The following FAT3 variants were observed in gnomAD, a reference collection of about 807,000 sequenced individuals.
FAT3 encodes protocadherin Fat 3.
FAT3 carries 95 observed loss-of-function variants against 310.2 expected under a neutral mutation model. That is an observed-to-expected ratio of 0.31 (90% CI 0.26 to 0.36). FAT3 has a LOEUF of 0.36. FAT3 is among the 10% of genes least tolerant of loss of function. FAT3 has a pLI of 1.00. For missense variants in FAT3, 5,408 were observed against 5,715.6 expected (o/e 0.95, Z 1.74); for synonymous variants, 2,314 against 2,192.9 (o/e 1.06, Z -1.54).
At chr11:92,226,002 T>C (rs557841717) in intron 1 of FAT3, among the ~76,000 whole-genome samples, 14 of 152,254 alleles carry the variant, frequency 9.2e-5, no homozygotes, top group South Asian at 4.1e-4. Context: ...TGTCTCCGGA[T>C]TGGGGGCGAG....
intron 1 of FAT3, among the ~76,000 whole-genome samples, chr11:92,346,837 A>G (rs2134606403): frequency 6.6e-6 from 1 of 152,306 alleles, no homozygotes; most frequent in Admixed American, 6.5e-5. Context: ...TAGTAAAGAA[A>G]GGACATTCTT....
intron 3 of FAT3, among the ~76,000 whole-genome samples, chr11:92,543,858 G>C (rs1245105637): frequency 6.6e-6 from 1 of 152,192 alleles, no homozygotes; most frequent in Non-Finnish European, 1.5e-5. Context: ...AGCACAAAAT[G>C]AGTAACACAT....
chr11:92,230,830 G>A (rs1442023911), intron 1 of FAT3, among the ~76,000 whole-genome samples: 1 of 152,192 alleles, frequency 6.6e-6, no homozygotes, highest in Non-Finnish European at 1.5e-5. Flanking sequence ...CCTCAAGGAG[G>A]AGGGAGAGAT....
chr11:92,519,905 C>A (rs771166264), intron 2 of FAT3, among the ~76,000 whole-genome samples: 1 of 152,094 alleles, frequency 6.6e-6, no homozygotes, highest in Non-Finnish European at 1.5e-5. Context: ...CAACTGGAAC[C>A]CTCCACATTC....
At chr11:92,493,016 T>C (rs1591363611) in intron 2 of FAT3, among the ~76,000 whole-genome samples, 1 of 152,084 alleles carries the variant, frequency 6.6e-6, no homozygotes, top group East Asian at 1.9e-4. Context: ...CAGAGATTCT[T>C]CTCTCCCTCA....
intron 1 of FAT3, among the ~76,000 whole-genome samples, chr11:92,329,558 GTTAA>G (rs528857948): frequency 1.9e-3 from 284 of 151,312 alleles, no homozygotes; most frequent in African/African-American, 6.3e-3. Flanking sequence ...CAGGTAGGCT[GTTAA>G]TTAAGTTTAT....
chr11:92,284,081 G>A (rs1336164421), intron 1 of FAT3, among the ~76,000 whole-genome samples: 1 of 152,020 alleles, frequency 6.6e-6, no homozygotes, highest in African/African-American at 2.4e-5. Context: ...GCACAGCATA[G>A]GATAAGCCTC....
chr11:92,226,852 G>A (rs1364032652), intron 1 of FAT3, among the ~76,000 whole-genome samples: 3 of 152,190 alleles, frequency 2.0e-5, no homozygotes, highest in African/African-American at 4.8e-5. Context: ...GGGAGGGAGG[G>A]ACGCTGGGAC....
rs370287381 is a variant in FAT3, at chr11:92,831,752, C to T, written c.9612C>T (p.Ser3204=). 1.7e-5 allele frequency: 27 copies of T among 1,613,372 alleles called. No individual in the cohort carries two copies. The African/African-American group carries it at 2.0e-4, about 12-fold the overall frequency. Residue 3204 remains serine (S), a synonymous_variant, in exon 14 of 28, where the codon AGC becomes AGT. Coordinates refer to ENST00000525166, the MANE Select transcript of FAT3 (RefSeq NM_001367949.2). ...AGCAGCAGTCTTCGTACAACATCAG[C>T]GTGCGGGCCACTGACCAGAGTCCTG... ...DREQQSSYNI[S]VRATDQSPGQ... is the part of the protein sequence containing the mutation.
intron 4 of FAT3, among the ~76,000 whole-genome samples, chr11:92,702,674 A>T (rs1014246270): frequency 2.0e-5 from 3 of 152,152 alleles, no homozygotes; most frequent in African/African-American, 7.2e-5. Flanking sequence ...CACTTCGATT[A>T]TTCTTGAAAG....
At chr11:92,454,307 G>A (rs1808368028) in intron 2 of FAT3, among the ~76,000 whole-genome samples, 1 of 152,110 alleles carries the variant, frequency 6.6e-6, no homozygotes, top group African/African-American at 2.4e-5. Context: ...GACTGTTCAT[G>A]AAGATTAATA....
intron 4 of FAT3, among the ~76,000 whole-genome samples, chr11:92,709,710 T>C (rs542428038): frequency 4.6e-5 from 7 of 152,268 alleles, no homozygotes; most frequent in Admixed American, 2.6e-4. Flanking sequence ...CCACAAAATA[T>C]ACACTAAGCA....
Position 92,754,140 on chromosome 11 carries a change from A to G in FAT3, c.3670-7716A>G, listed in dbSNP as rs141874819. ...CCCCAATAACATATGGAAATATAAT[A>G]CTAAAAAATATATTTAAAAAATAAA... On this transcript the variant is annotated intron_variant, in intron 4 of 27. Coordinates refer to ENST00000525166, the MANE Select transcript of FAT3 (RefSeq NM_001367949.2). Among the ~76,000 whole-genome samples, 1,120 of 152,168 alleles carry G rather than the reference A, an allele frequency of 7.4e-3. 12 individuals are homozygous for G. The highest frequency in any genetic ancestry group is 0.026 in the African/African-American group (1,063 of 41,504).
intron 3 of FAT3, among the ~76,000 whole-genome samples, chr11:92,672,274 C>T (rs1159283826): frequency 1.3e-5 from 2 of 152,206 alleles, no homozygotes; most frequent in Admixed American, 1.3e-4. Context: ...GGTATTCTCA[C>T]ATCATGATCA....
intron 3 of FAT3, among the ~76,000 whole-genome samples, chr11:92,664,163 C>T (rs902717359): frequency 6.6e-6 from 1 of 152,184 alleles, no homozygotes; most frequent in African/African-American, 2.4e-5. Flanking sequence ...TACTCACCCT[C>T]AGAAATCCAA....
chr11:92,877,121 G>C (rs1361190521), intron 22 of FAT3, among the ~76,000 whole-genome samples: 47 of 152,146 alleles, frequency 3.1e-4, no homozygotes, highest in Non-Finnish European at 5.9e-5. Context: ...AGGTTTGGAG[G>C]TGGAAGGCAG....
chr11:92,523,707 GT>G (rs1354602047), intron 2 of FAT3, among the ~76,000 whole-genome samples: 1 of 152,128 alleles, frequency 6.6e-6, no homozygotes, highest in Non-Finnish European at 1.5e-5. Context: ...TACTTTTACA[GT>G]TTTTATACAC....
intron 1 of FAT3, among the ~76,000 whole-genome samples, chr11:92,282,474 G>A (rs562795577): frequency 8.2e-4 from 124 of 152,080 alleles, no homozygotes; most frequent in African/African-American, 2.8e-3. Context: ...AGACCAGCCT[G>A]GCCAACATGG....
At chr11:92,814,378 A>C (rs1478246168) in intron 13 of FAT3, among the ~76,000 whole-genome samples, 1 of 105,670 alleles carries the variant, frequency 9.5e-6, no homozygotes, top group Non-Finnish European at 2.0e-5. Flanking sequence ...TGAATCACTT[A>C]TAATGAACTA....
Sources: gnomAD v4.1 joint callset for allele counts (sites outside exome capture counted in the v4.1 genomes callset) on GRCh38, gnomAD v4.1.1 for gene constraint, MANE v1.5 for transcripts, NCBI Gene and HGNC (gene_info 2026-07-23, HGNC 2026-07-21) for gene names.